The following ZMIZ1 variants were observed in gnomAD, a reference collection of about 807,000 sequenced individuals.
ZMIZ1 encodes the protein zinc finger MIZ domain-containing protein 1.
Under a neutral mutation model 113.9 loss-of-function variants are expected in ZMIZ1, and 17 were observed. The ratio of observed to expected loss-of-function variants is 0.15; its 90% CI spans 0.10 to 0.22. The LOEUF is 0.22. Ranked by LOEUF, ZMIZ1 falls within the 10% of genes least tolerant of loss-of-function variation. ZMIZ1 has a pLI of 1.00. For missense variants in ZMIZ1, 1,059 were observed against 1,477.8 expected (o/e 0.72, Z 4.65); for synonymous variants, 607 against 603.1 (o/e 1.01, Z -0.09).
intron 7 of ZMIZ1, among the ~76,000 whole-genome samples, chr10:79,275,492 G>A (rs957020267): frequency 2.0e-5 from 3 of 152,208 alleles, no homozygotes; most frequent in East Asian, 1.9e-4. Context: ...GCGACTTCTC[G>A]GGGCTTTGGG....
At chr10:79,203,012 G>A (rs955633896) in intron 5 of ZMIZ1, among the ~76,000 whole-genome samples, 1 of 152,238 alleles carries the variant, frequency 6.6e-6, no homozygotes, top group Non-Finnish European at 1.5e-5. Context: ...GGTGTGTGGT[G>A]TCCATTGTCC....
intron 2 of ZMIZ1, among the ~76,000 whole-genome samples, chr10:79,137,353 G>A (rs1845049779): frequency 6.6e-6 from 1 of 152,208 alleles, no homozygotes; most frequent in Admixed American, 6.5e-5. Context: ...AAGGAAAATG[G>A]GTACCTCAGG....
intron 1 of ZMIZ1, among the ~76,000 whole-genome samples, chr10:79,076,007 C>CTCGGGAGCT (rs1347905299): frequency 1.3e-5 from 2 of 152,184 alleles, no homozygotes; most frequent in Non-Finnish European, 2.9e-5. Context: ...CTCCTCTTAG[C>CTCGGGAGCT]TCGGGAGCTT....
chr10:79,293,731 T>C, intron 12 of ZMIZ1, 78 bp downstream of exon 12: 1 of 1,604,390 alleles, frequency 6.2e-7, no homozygotes, highest in Non-Finnish European at 8.5e-7. Context: ...GGTACGGCTT[T>C]GGAAGGGGTG....
chr10:79,149,718 C>T (rs776984629), intron 3 of ZMIZ1, among the ~76,000 whole-genome samples: 3 of 152,230 alleles, frequency 2.0e-5, no homozygotes, highest in Non-Finnish European at 2.9e-5. Context: ...GCTCGCCCTC[C>T]AGGAAGTTCT....
rs148262266 is a variant in ZMIZ1, at chr10:79,292,202, C to T, written c.803C>T (p.Pro268Leu). ...GCCCCCGCAGGCATGGGCATCCCTC[C>T]GCACACCAGGCCGCCTGCTGACTTC... Reference protein sequence around the residue: ...PNAPAGMGIPPHTRPPADFTQ... With the variant: ...PNAPAGMGIPLHTRPPADFTQ... The change falls in exon 11 of 25, where the codon CCG becomes CTG. Residue 268 changes from proline to leucine, a missense_variant. Pro to Leu is a moderately conservative substitution (Grantham distance 98). Coordinates refer to ENST00000334512, the MANE Select transcript of ZMIZ1 (RefSeq NM_020338.4). 11 of 1,611,970 alleles carry T rather than the reference C, an allele frequency of 6.8e-6. No homozygotes were observed. The highest frequency in any genetic ancestry group is 6.7e-5 in the African/African-American group (5 of 74,870).
chr10:79,305,697 C>A, intron 21 of ZMIZ1, 96 bp downstream of exon 21: 1 of 1,287,560 alleles, frequency 7.8e-7, no homozygotes. Flanking sequence ...CAGCCCTCCC[C>A]TCCCAGGCCA....
intron 7 of ZMIZ1, among the ~76,000 whole-genome samples, chr10:79,254,678 T>C (rs1850768317): frequency 6.6e-6 from 1 of 152,062 alleles, no homozygotes; most frequent in Non-Finnish European, 1.5e-5. Context: ...TGGGTCCCAT[T>C]TGGGTGGGGG....
chr10:79,197,217 G>A (rs1276712420), intron 4 of ZMIZ1, among the ~76,000 whole-genome samples: 2 of 152,158 alleles, frequency 1.3e-5, no homozygotes, highest in African/African-American at 4.8e-5. Flanking sequence ...CTGGCTGGCT[G>A]TGAAAGTTGA....
At chr10:79,300,685 A>G in intron 16 of ZMIZ1, 47 bp from the exon 17 acceptor site, 4 of 1,574,058 alleles carry the variant, frequency 2.5e-6, no homozygotes, top group Non-Finnish European at 3.4e-6. Flanking sequence ...GAGGCCATGG[A>G]CAGCCCCCTG....
At chr10:79,085,595 G>A (rs1394257685) in intron 1 of ZMIZ1, among the ~76,000 whole-genome samples, 1 of 152,216 alleles carries the variant, frequency 6.6e-6, no homozygotes, top group Non-Finnish European at 1.5e-5. Context: ...CGCCTCCCAT[G>A]GCCACCAGGA....
At chr10:79,218,088 A>T (rs1456960653) in intron 7 of ZMIZ1, among the ~76,000 whole-genome samples, 1 of 152,204 alleles carries the variant, frequency 6.6e-6, no homozygotes, top group Admixed American at 6.5e-5. Flanking sequence ...TTTTCCATCA[A>T]GGGCCAGACA....
chr10:79,308,133 C>G (rs138819988), intron 23 of ZMIZ1, among the ~76,000 whole-genome samples: 1 of 152,236 alleles, frequency 6.6e-6, no homozygotes, highest in East Asian at 1.9e-4. Context: ...GTGTTGTCCA[C>G]AGGCCCTCCC....
Position 79,314,046 on chromosome 10 carries a change from T to C in ZMIZ1, c.*1297T>C, listed in dbSNP as rs1277326236. ...GTGTTTCTGGGCCTGCCCCAGACAC[T>C]GCCCTTGGCTGCCAGCCTACCCTGC... is the stretch of plus-strand genomic sequence containing the variant. On this transcript the variant is annotated 3_prime_UTR_variant, in exon 25 of 25. Coordinates refer to ENST00000334512, the MANE Select transcript of ZMIZ1 (RefSeq NM_020338.4). The C allele has an allele frequency of 8.8e-6, 4 of 456,760 alleles. No individual in the cohort carries two copies. Among genetic ancestry groups the C allele is most frequent in the Non-Finnish European group, 1.8e-5 (4 of 226,980 alleles). 28.3% of individuals were successfully genotyped at this position (456,760 alleles called of 1,614,324 possible). A position where few individuals can be genotyped will look rare whatever the true frequency, so the allele number is the denominator to read the frequency against.
chr10:79,306,399 CA>C, intron 22 of ZMIZ1, 55 bp downstream of exon 22: 1 of 1,583,404 alleles, frequency 6.3e-7, no homozygotes, highest in Non-Finnish European at 8.5e-7. Context: ...CAAGTCCCTG[CA>C]GAGGCACAGA....
chr10:79,306,152 C>T lies in ZMIZ1; in HGVS notation c.2476C>T (p.Pro826Ser), dbSNP rs1295624558. The T allele has an allele frequency of 6.2e-7, 1 of 1,613,976 alleles. No homozygotes were observed. ...IDPTCSWRPV[P>S]IKSDLHIKDD... ...TCCCACGTGCAGCTGGCGGCCGGTG[C>T]CCATCAAGTCGGACTTACACATCAA... Residue 826 changes from proline (P) to serine (S), a missense_variant, in exon 22 of 25, where the codon CCC becomes TCC. Physicochemically the swap from Pro to Ser is moderately conservative, Grantham distance 74. Transcript: ENST00000334512.
intron 4 of ZMIZ1, among the ~76,000 whole-genome samples, chr10:79,168,134 A>C (rs1293262099): frequency 6.6e-6 from 1 of 152,224 alleles, no homozygotes; most frequent in East Asian, 1.9e-4. Flanking sequence ...CTTCAGCTGC[A>C]CTTGGCTGTA....
At chr10:79,126,348 A>C (rs573153027) in intron 2 of ZMIZ1, among the ~76,000 whole-genome samples, 7 of 152,168 alleles carry the variant, frequency 4.6e-5, no homozygotes, top group Non-Finnish European at 1.0e-4. Context: ...AGTGTCCAGC[A>C]GGCTCAACCA....
intron 2 of ZMIZ1, among the ~76,000 whole-genome samples, chr10:79,122,530 A>G (rs1005178002): frequency 6.6e-6 from 1 of 151,908 alleles, no homozygotes; most frequent in African/African-American, 2.4e-5. Flanking sequence ...CCACACTCCC[A>G]TCTCTCCTTG....
Sources: gnomAD v4.1 joint callset for allele counts (sites outside exome capture counted in the v4.1 genomes callset) on GRCh38, gnomAD v4.1.1 for gene constraint, MANE v1.5 for transcripts, NCBI Gene and HGNC (gene_info 2026-07-23, HGNC 2026-07-21) for gene names.